The following MAGI2 variants were observed in gnomAD, a reference collection of about 807,000 sequenced individuals.
MAGI2 encodes the protein membrane associated guanylate kinase, WW and PDZ domain containing 2.
In MAGI2, 35 loss-of-function variants were observed where a neutral mutation model predicts 133.3. That is an observed-to-expected ratio of 0.26 (90% confidence interval 0.20 to 0.35). The LOEUF (loss-of-function observed/expected upper bound fraction) is 0.35. Ranked by LOEUF, MAGI2 falls within the 10% of genes least tolerant of loss-of-function variation. The probability of loss-of-function intolerance (pLI) is 1.00; values close to 1 mark genes in which losing one functional copy is unlikely to be tolerated. For missense variants in MAGI2, 1,636 were observed against 1,863.4 expected, an observed-to-expected ratio of 0.88 and a Z score of 2.25; for synonymous variants, 729 against 710.6, an observed-to-expected ratio of 1.03 and a Z score of -0.41.
At chr7:79,154,196 T>C (rs1206414802) in intron 1 of MAGI2, among the ~76,000 whole-genome samples, 1 of 152,182 alleles carries the variant, frequency 6.6e-6, no homozygotes, top group Admixed American at 6.5e-5. Context: ...TCAGATAAAA[T>C]TTCTATTTGT....
chr7:79,075,383 A>G (rs1815370634), intron 1 of MAGI2, among the ~76,000 whole-genome samples: 1 of 152,296 alleles, frequency 6.6e-6, no homozygotes, highest in African/African-American at 2.4e-5. Context: ...TGGGTAGGCA[A>G]CACTATTTGC....
At chr7:78,611,926 A>G (rs146033500) in intron 3 of MAGI2, among the ~76,000 whole-genome samples, 17 of 152,318 alleles carry the variant, frequency 1.1e-4, no homozygotes, top group African/African-American at 4.1e-4. Context: ...AACTACCCCC[A>G]GAAGCTTCTG....
intron 2 of MAGI2, among the ~76,000 whole-genome samples, chr7:78,761,370 C>T (rs1243937977): frequency 6.6e-6 from 1 of 152,096 alleles, no homozygotes; most frequent in Non-Finnish European, 1.5e-5. Flanking sequence ...ACAAAATTGA[C>T]CATAACTTCA....
intron 1 of MAGI2, among the ~76,000 whole-genome samples, chr7:79,258,140 G>A (rs1235785132): frequency 6.6e-6 from 1 of 151,946 alleles, no homozygotes; most frequent in Admixed American, 6.6e-5. Flanking sequence ...GTATGTCAGG[G>A]GTCAAAAGAA....
intron 1 of MAGI2, among the ~76,000 whole-genome samples, chr7:79,103,255 T>C (rs113377670): frequency 4.6e-5 from 7 of 152,322 alleles, no homozygotes; most frequent in African/African-American, 1.7e-4. Context: ...AAGAAGCACT[T>C]TTGTGAGACT....
At chr7:78,354,686 A>C (rs753778076) in intron 7 of MAGI2, among the ~76,000 whole-genome samples, 8 of 152,216 alleles carry the variant, frequency 5.3e-5, no homozygotes, top group Non-Finnish European at 1.0e-4. Flanking sequence ...TTATGACCAC[A>C]TAGAGCAGGA....
intron 11 of MAGI2, among the ~76,000 whole-genome samples, chr7:78,196,541 C>T (rs188005968): frequency 1.2e-4 from 18 of 152,258 alleles, no homozygotes; most frequent in African/African-American, 3.9e-4. Context: ...ATATTTTTGT[C>T]GGGGCTCTGA....
intron 1 of MAGI2, among the ~76,000 whole-genome samples, chr7:79,296,354 A>G (rs534688285): frequency 6.6e-6 from 1 of 152,352 alleles, no homozygotes; most frequent in African/African-American, 2.4e-5. Context: ...AAAGAAATGA[A>G]ATCAGTTGTG....
chr7:79,118,412 T>C (rs1819592040), intron 1 of MAGI2, among the ~76,000 whole-genome samples: 1 of 152,210 alleles, frequency 6.6e-6, no homozygotes, highest in Non-Finnish European at 1.5e-5. Flanking sequence ...CATTCATTCC[T>C]ACTTGCAGGA....
chr7:79,167,566 C>T (rs1409066264), intron 1 of MAGI2, among the ~76,000 whole-genome samples: 1 of 151,836 alleles, frequency 6.6e-6, no homozygotes, highest in African/African-American at 2.4e-5. Flanking sequence ...TTGTTTCACC[C>T]CTGGTTTACT....
intron 2 of MAGI2, among the ~76,000 whole-genome samples, chr7:78,825,855 C>A (rs1004799733): frequency 2.0e-5 from 3 of 152,020 alleles, no homozygotes; most frequent in African/African-American, 7.2e-5. Context: ...TGTCTCCAAC[C>A]GATTTGAAAA....
At chr7:78,067,135 A>C (rs750866087) in intron 21 of MAGI2, among the ~76,000 whole-genome samples, 28 of 152,356 alleles carry the variant, frequency 1.8e-4, no homozygotes, top group Non-Finnish European at 3.1e-4. Flanking sequence ...TCAGAAGTAG[A>C]AATTAAATTT....
At chr7:78,489,867 C>T in intron 5 of MAGI2, 27 bp from the exon 6 acceptor site, 4 of 1,533,394 alleles carry the variant, frequency 2.6e-6, no homozygotes, top group Non-Finnish European at 3.6e-6. Flanking sequence ...TCACTCTGAA[C>T]AGACACATAC....
At chr7:78,840,947 A>G (rs879426719) in intron 2 of MAGI2, among the ~76,000 whole-genome samples, 2 of 151,978 alleles carry the variant, frequency 1.3e-5, no homozygotes, top group Non-Finnish European at 2.9e-5. Flanking sequence ...AAAGCACTTA[A>G]CCCATATCCT....
At chr7:78,627,314 T>G in intron 2 of MAGI2, 75 bp from the exon 3 acceptor site, 2 of 1,309,982 alleles carry the variant, frequency 1.5e-6, no homozygotes, top group Non-Finnish European at 2.0e-6. Context: ...ACCACCATAC[T>G]TCTGAATATT....
Position 79,048,299 on chromosome 7 carries a change from A to G in MAGI2, c.302-41093T>C, listed in dbSNP as rs1048853141. Among the ~76,000 whole-genome samples, 6 of 152,316 alleles carry G rather than the reference A, an allele frequency of 3.9e-5. No homozygotes were observed. In the East Asian group the frequency reaches 1.2e-3, roughly 29 times the overall value. On this transcript the variant is annotated intron_variant, in intron 1 of 21. Transcript: ENST00000354212. The stretch of plus-strand genomic sequence containing the variant: ...CACATTAAATTCCTTTTTACTACCT[A>G]GGCATGGAAACAATTCATAAAGAAA...
rs182396427 is a variant in MAGI2, at chr7:78,179,075, G to T, written c.2312-973C>A. 4.3e-3 allele frequency among the ~76,000 whole-genome samples: 660 copies of T among 152,300 alleles called. 3 individuals carry two copies. The highest frequency in any genetic ancestry group is 0.017 in the Middle Eastern group (5 of 294). On this transcript the variant is annotated intron_variant, in intron 13 of 21. Transcript: ENST00000354212. ...AATACTTCAGTTGTGACCAAGCTGC[G>T]CATACTTTCATGTCCACTGCTGGGG...
At chr7:79,320,807 C>T (rs2129561601) in intron 1 of MAGI2, among the ~76,000 whole-genome samples, 1 of 152,122 alleles carries the variant, frequency 6.6e-6, no homozygotes, top group African/African-American at 2.4e-5. Flanking sequence ...GGGAACTATG[C>T]ACATCAAAGC....
intron 20 of MAGI2, among the ~76,000 whole-genome samples, chr7:78,116,512 T>C (rs1819885119): frequency 6.6e-6 from 1 of 152,126 alleles, no homozygotes; most frequent in Non-Finnish European, 1.5e-5. Context: ...TTGGCATGAT[T>C]AATAAAGAAA....
Sources: allele counts gnomAD v4.1 joint callset (sites outside exome capture counted in the v4.1 genomes callset), GRCh38; gene constraint gnomAD v4.1.1; transcripts MANE v1.5; gene names NCBI Gene and HGNC (gene_info 2026-07-23, HGNC 2026-07-21).